ITGB3BP: variants seen among roughly 807,000 people sequenced by gnomAD.
ITGB3BP encodes the protein centromere protein R.
A neutral mutation model predicts 29.1 loss-of-function variants in ITGB3BP; 27 were observed. That is an observed-to-expected ratio of 0.93 (90% CI 0.68 to 1.28). The LOEUF is 1.28. ITGB3BP is among the 50% of genes most tolerant of loss of function. ITGB3BP has a pLI of 0.00. For missense variants in ITGB3BP, 192 were observed against 200.2 expected (o/e 0.96, Z 0.25); for synonymous variants, 61 against 61.4 (o/e 0.99, Z 0.03).
Position 63,456,285 on chromosome 1 carries a change from A to G in ITGB3BP, c.255-1317T>C, listed in dbSNP as rs181703478. Reference sequence around the variant, plus strand: ...GAACAAGAAACAAGAGACTTTTGATAGCATTATGAAAAAGCTAAAAATTAT... The same window carrying G: ...GAACAAGAAACAAGAGACTTTTGATGGCATTATGAAAAAGCTAAAAATTAT... On this transcript the variant is annotated intron_variant, in intron 4 of 8. Coordinates refer to ENST00000271002, the MANE Select transcript of ITGB3BP (RefSeq NM_014288.5). 7.2e-5 allele frequency among the ~76,000 whole-genome samples: 11 copies of G among 152,340 alleles called. No homozygotes were observed. In the East Asian group the frequency reaches 1.7e-3, roughly 24 times the overall value.
intron 1 of ITGB3BP, among the ~76,000 whole-genome samples, chr1:63,512,675 T>C (rs1646226666): frequency 6.6e-6 from 1 of 152,092 alleles, no homozygotes. Context: ...AAGTTGATAA[T>C]AACACAGGCC....
At chr1:63,449,560 G>A (rs1013806848) in intron 7 of ITGB3BP, 3 of 152,282 alleles carry the variant, frequency 2.0e-5, no homozygotes, top group Non-Finnish European at 2.9e-5. Flanking sequence ...ATGACGAATC[G>A]TGTAAAACAA....
chr1:63,446,904 A>C, intron 7 of ITGB3BP, 48 bp from the exon 8 acceptor site: 1 of 1,292,048 alleles, frequency 7.7e-7, no homozygotes. Flanking sequence ...AATTCAAAGC[A>C]ACTTGCCACA....
At chr1:63,521,207 T>C (rs944781467) in intron 1 of ITGB3BP, among the ~76,000 whole-genome samples, 1 of 151,926 alleles carries the variant, frequency 6.6e-6, no homozygotes, top group African/African-American at 2.4e-5. Flanking sequence ...ATATGTAACT[T>C]GCCAAGATAA....
At chr1:63,468,150 T>A (rs976455173) in intron 4 of ITGB3BP, among the ~76,000 whole-genome samples, 2 of 152,218 alleles carry the variant, frequency 1.3e-5, no homozygotes, top group Non-Finnish European at 2.9e-5. Flanking sequence ...GTATCATCTT[T>A]GCTTGAAGAT....
intron 3 of ITGB3BP, among the ~76,000 whole-genome samples, chr1:63,485,898 A>T (rs896872127): frequency 1.3e-5 from 2 of 151,968 alleles, no homozygotes; most frequent in African/African-American, 4.8e-5. Flanking sequence ...ATATAACTAG[A>T]TGTGGATCTG....
intron 4 of ITGB3BP, among the ~76,000 whole-genome samples, chr1:63,478,017 T>C (rs1421691773): frequency 6.6e-6 from 1 of 152,182 alleles, no homozygotes; most frequent in East Asian, 1.9e-4. Context: ...GCATATAACC[T>C]ATGCATATCC....
intron 4 of ITGB3BP, chr1:63,457,670 T>A (rs1644954845): frequency 6.6e-6 from 1 of 152,204 alleles, no homozygotes; most frequent in Non-Finnish European, 1.5e-5. Flanking sequence ...CCATTCATAT[T>A]TTGCAGAATA....
intron 4 of ITGB3BP, among the ~76,000 whole-genome samples, chr1:63,466,949 C>T (rs185690632): frequency 2.6e-5 from 4 of 152,236 alleles, no homozygotes; most frequent in Admixed American, 1.3e-4. Flanking sequence ...ATGGCTCTTT[C>T]GGCCTGCAGA....
intron 1 of ITGB3BP, among the ~76,000 whole-genome samples, chr1:63,515,052 T>C (rs1646284063): frequency 6.6e-6 from 1 of 152,234 alleles, no homozygotes; most frequent in South Asian, 2.1e-4. Context: ...TCATTTTTTC[T>C]TTTATAATTA....
In ITGB3BP at chr1:63,446,856, G is replaced by A; in HGVS notation, c.485C>T (p.Ala162Val). ...FEKSTGLPHK[A>V]SRHLDSYEFL... is the part of the protein sequence containing the mutation. ...TTCATAGCTGTCAAGATGACGTGAT[G>A]CTATATGAAAGAAGAAAGGTTTTTT... The change falls in exon 8 of 9, where the codon GCA becomes GTA. Residue 162 changes from alanine (A) to valine (V), a missense_variant and splice_region_variant. Coordinates refer to ENST00000271002, the MANE Select transcript of ITGB3BP (RefSeq NM_014288.5). 6.2e-7 allele frequency: 1 copy of A among 1,607,280 alleles called. No individual in the cohort carries two copies. The highest frequency in any genetic ancestry group is 1.3e-5 in the African/African-American group (1 of 74,520).
At chr1:63,495,737 C>T (rs900201087) in intron 2 of ITGB3BP, among the ~76,000 whole-genome samples, 10 of 152,096 alleles carry the variant, frequency 6.6e-5, no homozygotes, top group African/African-American at 2.4e-4. Flanking sequence ...AAAGTGAGGG[C>T]TTTTGTGGAA....
At chr1:63,487,325 C>T (rs1031810134) in intron 3 of ITGB3BP, among the ~76,000 whole-genome samples, 1 of 152,008 alleles carries the variant, frequency 6.6e-6, no homozygotes. Context: ...CAAGGGTCAA[C>T]TGTAATAGTC....
At chr1:63,525,400 G>A (rs553682775), upstream of ITGB3BP, among the ~76,000 whole-genome samples, 55 of 151,936 alleles carry the variant, frequency 3.6e-4, no homozygotes, top group African/African-American at 1.1e-3. Flanking sequence ...TATAGTATTC[G>A]TCTTTTACTT....
At chr1:63,521,111 C>T (rs1490413814) in intron 1 of ITGB3BP, among the ~76,000 whole-genome samples, 1 of 152,090 alleles carries the variant, frequency 6.6e-6, no homozygotes, top group African/African-American at 2.4e-5. Context: ...ATCACACCCT[C>T]CCGTAAGTTA....
In ITGB3BP at chr1:63,516,737, A is replaced by G. The variant is rs147644009; in HGVS notation, c.5+6392T>C. On this transcript the variant is annotated intron_variant, in intron 1 of 8. Transcript: ENST00000271002. ...GAAAAAAAAAAAAAAAGAAAAAAGA[A>G]AAAAAAAGAAAAGCAAATACCACAT... Among the ~76,000 whole-genome samples, 1,019 of 151,706 alleles carry G rather than the reference A, an allele frequency of 6.7e-3. 3 individuals carry two copies. The highest frequency in any genetic ancestry group is 0.011 in the Admixed American group (172 of 15,216).
chr1:63,445,037 C>T (rs753466615), intron 8 of ITGB3BP, among the ~76,000 whole-genome samples: 1 of 152,098 alleles, frequency 6.6e-6, no homozygotes, highest in Non-Finnish European at 1.5e-5. Flanking sequence ...GTAATTGCAG[C>T]ACTTTGGGAG....
intron 2 of ITGB3BP, among the ~76,000 whole-genome samples, chr1:63,504,972 C>CT (rs1329292595): frequency 6.6e-6 from 1 of 152,034 alleles, no homozygotes; most frequent in African/African-American, 2.4e-5. Context: ...CTAAAATTCT[C>CT]TTTTTTTGCT....
At chr1:63,510,330 A>C in intron 1 of ITGB3BP, 1 of 379,260 alleles carries the variant, frequency 2.6e-6, no homozygotes, top group Non-Finnish European at 4.7e-6. Flanking sequence ...TTAACTGTTC[A>C]AAATATTGCT....
Sources: allele counts gnomAD v4.1 joint callset (sites outside exome capture counted in the v4.1 genomes callset), GRCh38; gene constraint gnomAD v4.1.1; transcripts MANE v1.5; gene names NCBI Gene and HGNC (gene_info 2026-07-23, HGNC 2026-07-21).